Variants in POU6F2 observed in about 807,000 individuals in gnomAD.
POU6F2 encodes POU class 6 homeobox 2.
Under a neutral mutation model 71.3 loss-of-function variants are expected in POU6F2, and 31 were observed. The ratio of observed to expected loss-of-function variants is 0.43; its 90% CI spans 0.33 to 0.59. The LOEUF (loss-of-function observed/expected upper bound fraction) is 0.59, where lower values mean the gene tolerates loss of function less well. Among genes scored for constraint, POU6F2 ranks in the 20% least tolerant of loss-of-function variants. The probability of loss-of-function intolerance (pLI) is 0.04; values close to 1 mark genes in which losing one functional copy is unlikely to be tolerated. For missense variants in POU6F2, 783 were observed against 856.8 expected (o/e 0.91, Z 1.07); for synonymous variants, 347 against 355.7 (o/e 0.98, Z 0.27).
At chr7:39,433,893 C>T (rs1363987475) in intron 7 of POU6F2, among the ~76,000 whole-genome samples, 1 of 152,186 alleles carries the variant, frequency 6.6e-6, no homozygotes, top group East Asian at 1.9e-4. Context: ...CTTCAACAAA[C>T]ATTTTGTGAT....
rs1583625871 is a variant in POU6F2, at chr7:39,464,953, G to A, written c.*267G>A. On this transcript the variant is annotated 3_prime_UTR_variant, in exon 10 of 10. Transcript: ENST00000518318. The surrounding 1 kb of genome is among the most constrained non-coding windows in gnomAD (Gnocchi z 4.1). ...CACTGAAGGTGTGTGTGGTAGGATAGTTCCCTTCCCCCACCTGTCTCCCCC... is the reference window on the plus strand; with the variant it reads ...CACTGAAGGTGTGTGTGGTAGGATAATTCCCTTCCCCCACCTGTCTCCCCC... 1 of 410,012 alleles carries A rather than the reference G, an allele frequency of 2.4e-6. No homozygotes were observed. The allele number at this position is 410,012 out of a possible 1,614,324, so 25.4% of individuals were successfully genotyped here.
chr7:39,044,535 T>G (rs1246731129), intron 1 of POU6F2, among the ~76,000 whole-genome samples: 3 of 151,998 alleles, frequency 2.0e-5, no homozygotes, highest in African/African-American at 4.8e-5. Context: ...GACGTTGTTT[T>G]TCTGAGACTG....
At chr7:39,448,162 G>A (rs1788568444) in intron 7 of POU6F2, among the ~76,000 whole-genome samples, 1 of 152,196 alleles carries the variant, frequency 6.6e-6, no homozygotes, top group Non-Finnish European at 1.5e-5. Context: ...TTTCATAGAA[G>A]TGGTACTTCT....
intron 4 of POU6F2, among the ~76,000 whole-genome samples, chr7:39,314,271 C>G (rs1785220978): frequency 6.6e-6 from 1 of 151,974 alleles, no homozygotes; most frequent in Non-Finnish European, 1.5e-5. Flanking sequence ...GTAATTCCAA[C>G]AGGAGGAATT....
chr7:39,425,510 A>T (rs541744611), intron 6 of POU6F2, among the ~76,000 whole-genome samples: 62 of 152,306 alleles, frequency 4.1e-4, no homozygotes, highest in African/African-American at 1.4e-3. Flanking sequence ...TATTAAGTTT[A>T]AGGTTTCAAA....
At chr7:39,250,117 A>G (rs1460785754) in intron 4 of POU6F2, among the ~76,000 whole-genome samples, 1 of 152,076 alleles carries the variant, frequency 6.6e-6, no homozygotes, top group Non-Finnish European at 1.5e-5. Context: ...GTGCAATTTT[A>G]TTTTCTACTT....
At chr7:39,363,092 G>A (rs747333844) in intron 5 of POU6F2, among the ~76,000 whole-genome samples, 4 of 152,158 alleles carry the variant, frequency 2.6e-5, no homozygotes, top group Admixed American at 6.5e-5. Flanking sequence ...AGTCAGGAGC[G>A]AACACAGGAA....
At chr7:39,260,184 C>T (rs921418177) in intron 4 of POU6F2, among the ~76,000 whole-genome samples, 1 of 149,580 alleles carries the variant, frequency 6.7e-6, no homozygotes, top group South Asian at 2.1e-4. Flanking sequence ...ATACTGTGCT[C>T]ACACCACACA....
rs1021774827 is a variant in POU6F2, at chr7:39,135,138, A to G, written c.277+49107A>G. Reference sequence around the variant, plus strand: ...ACATGAGCTTCTGATAAATATATGAACAAAAATATATGCCAAGATATCTGA... The same window carrying G: ...ACATGAGCTTCTGATAAATATATGAGCAAAAATATATGCCAAGATATCTGA... On this transcript the variant is annotated intron_variant, in intron 2 of 9. Transcript: ENST00000518318. Among the ~76,000 whole-genome samples, 8 of 152,322 alleles carry G rather than the reference A, an allele frequency of 5.3e-5. No homozygotes were observed. The East Asian group carries it at 1.5e-3, about 29-fold the overall frequency.
At chr7:39,369,747 G>A (rs1786572046) in intron 5 of POU6F2, among the ~76,000 whole-genome samples, 1 of 151,966 alleles carries the variant, frequency 6.6e-6, no homozygotes, top group African/African-American at 2.4e-5. Flanking sequence ...GCAGTGGTGT[G>A]ATCATAGTTC....
At chr7:39,027,700 A>G (rs1789843744) in intron 1 of POU6F2, among the ~76,000 whole-genome samples, 2 of 152,316 alleles carry the variant, frequency 1.3e-5, no homozygotes, top group Middle Eastern at 3.4e-3. Context: ...CAGTTTGCCA[A>G]TGTTGCTAAT....
At chr7:39,022,277 C>G (rs1584504330) in intron 1 of POU6F2, among the ~76,000 whole-genome samples, 1 of 151,886 alleles carries the variant, frequency 6.6e-6, no homozygotes, top group South Asian at 2.1e-4. Flanking sequence ...GGATAAAATG[C>G]CTTCTCAAAA....
At chr7:39,392,927 A>G (rs1418478974) in intron 5 of POU6F2, among the ~76,000 whole-genome samples, 1 of 152,130 alleles carries the variant, frequency 6.6e-6, no homozygotes. Flanking sequence ...GATTGGGGAG[A>G]TGGGTTTCTT....
chr7:39,125,188 G>A (rs1035622187), intron 2 of POU6F2, among the ~76,000 whole-genome samples: 5 of 152,024 alleles, frequency 3.3e-5, no homozygotes, highest in African/African-American at 4.8e-5. Context: ...CTGAGATCAC[G>A]GACTAGCCTG....
At chr7:39,317,882 A>C (rs1462449931) in intron 4 of POU6F2, among the ~76,000 whole-genome samples, 2 of 152,144 alleles carry the variant, frequency 1.3e-5, no homozygotes, top group Non-Finnish European at 2.9e-5. Context: ...TGACATCTCT[A>C]ATTCTCATAC....
At chr7:39,078,657 G>A (rs1449232871) in intron 1 of POU6F2, among the ~76,000 whole-genome samples, 3 of 152,174 alleles carry the variant, frequency 2.0e-5, no homozygotes, top group African/African-American at 7.2e-5. Flanking sequence ...CGGAGCTCAC[G>A]GGTCAGCAAA....
intron 4 of POU6F2, among the ~76,000 whole-genome samples, chr7:39,237,181 A>G (rs143176888): frequency 6.6e-6 from 1 of 152,306 alleles, no homozygotes; most frequent in Non-Finnish European, 1.5e-5. Context: ...CGCATCAGCA[A>G]ATGGAAAACC....
chr7:39,056,556 T>A (rs981457858), intron 1 of POU6F2, among the ~76,000 whole-genome samples: 6 of 152,154 alleles, frequency 3.9e-5, no homozygotes, highest in Admixed American at 1.3e-4. Context: ...GACTTCTTTA[T>A]AAAAATTATT....
At chr7:39,371,174 G>A (rs544457131) in intron 5 of POU6F2, among the ~76,000 whole-genome samples, 5 of 152,038 alleles carry the variant, frequency 3.3e-5, no homozygotes, top group Admixed American at 6.6e-5. Context: ...AGCCAGACTC[G>A]GAGAATGGTT....
Sources: gnomAD v4.1 joint callset for allele counts (sites outside exome capture counted in the v4.1 genomes callset) on GRCh38, gnomAD v4.1.1 for gene constraint, Gnocchi (gnomAD v3.1) non-coding constraint, MANE v1.5 for transcripts, NCBI Gene and HGNC (gene_info 2026-07-23, HGNC 2026-07-21) for gene names.